Variants in MOB1B observed in about 807,000 individuals in gnomAD.
MOB1B encodes MOB1 Mps One Binder homolog B.
Under a neutral mutation model 24.4 loss-of-function variants are expected in MOB1B, and 19 were observed. The ratio of observed to expected loss-of-function variants is 0.78; its 90% CI spans 0.54 to 1.14. The LOEUF (loss-of-function observed/expected upper bound fraction) is 1.14. Among genes scored for constraint, MOB1B ranks in the 50% most tolerant of loss-of-function variants. The pLI, the probability that MOB1B is intolerant of heterozygous loss-of-function variation, is 0.00. For synonymous variants in MOB1B, 76 were observed against 82.1 expected (o/e 0.93, Z 0.40); for missense variants, 243 against 259.6 (o/e 0.94, Z 0.44).
At chr4:70,915,938 G>T (rs1415432146) in intron 1 of MOB1B, among the ~76,000 whole-genome samples, 1 of 152,150 alleles carries the variant, frequency 6.6e-6, no homozygotes, top group African/African-American at 2.4e-5. Flanking sequence ...GAGAGGAAAT[G>T]AATTGGATTA....
chr4:70,939,441 C>G (rs1213788686), intron 1 of MOB1B, among the ~76,000 whole-genome samples: 1 of 152,178 alleles, frequency 6.6e-6, no homozygotes, highest in Admixed American at 6.5e-5. Flanking sequence ...CACCCGTAAT[C>G]ACAGGCCAAG....
intron 1 of MOB1B, among the ~76,000 whole-genome samples, chr4:70,950,312 T>C (rs1737749410): frequency 6.6e-6 from 1 of 151,514 alleles, no homozygotes; most frequent in Non-Finnish European, 1.5e-5. Context: ...GGTGGGTGCC[T>C]GTAGTCCCAG....
At chr4:70,970,065 T>G (rs1738695975) in intron 3 of MOB1B, 41 bp downstream of exon 3, 1 of 1,201,668 alleles carries the variant, frequency 8.3e-7, no homozygotes, top group Non-Finnish European at 1.2e-6. Flanking sequence ...TTTTACATTA[T>G]TTTACGGTTC....
At chr4:70,952,072 C>T (rs1402298945) in intron 1 of MOB1B, among the ~76,000 whole-genome samples, 1 of 152,132 alleles carries the variant, frequency 6.6e-6, no homozygotes, top group East Asian at 1.9e-4. Context: ...AATGTAACTG[C>T]TCTTTAAAAC....
At chr4:70,960,214 G>A (rs187204752) in intron 2 of MOB1B, among the ~76,000 whole-genome samples, 28 of 152,118 alleles carry the variant, frequency 1.8e-4, no homozygotes, top group Admixed American at 1.4e-3. Context: ...AAGATATCAA[G>A]TAGTCATCTT....
intron 1 of MOB1B, among the ~76,000 whole-genome samples, chr4:70,911,985 C>T (rs1052619735): frequency 1.3e-5 from 2 of 151,598 alleles, no homozygotes; most frequent in African/African-American, 4.9e-5. Context: ...CAACCTCTGC[C>T]TCCTGGGTTC....
chr4:70,946,310 G>A (rs1737581494), intron 1 of MOB1B, among the ~76,000 whole-genome samples: 1 of 151,952 alleles, frequency 6.6e-6, no homozygotes, highest in South Asian at 2.1e-4. Context: ...ATAAGAATAA[G>A]ATTTTTCTTC....
chr4:70,930,878 C>A (rs762365150), intron 1 of MOB1B, among the ~76,000 whole-genome samples: 3 of 151,536 alleles, frequency 2.0e-5, no homozygotes, highest in African/African-American at 7.3e-5. Flanking sequence ...AGCATTGCAA[C>A]GTCTCAAATA....
At chr4:70,957,319 C>T (rs1156329264) in intron 1 of MOB1B, among the ~76,000 whole-genome samples, 5 of 147,442 alleles carry the variant, frequency 3.4e-5, no homozygotes, top group Non-Finnish European at 7.4e-5. Context: ...CTCTTTTTTT[C>T]CAGTCTGTTC....
intron 1 of MOB1B, among the ~76,000 whole-genome samples, chr4:70,910,704 T>G (rs1236446438): frequency 6.6e-6 from 1 of 152,036 alleles, no homozygotes; most frequent in East Asian, 1.9e-4. Context: ...AAAATCATGT[T>G]AGGAAAAGGA....
chr4:70,969,354 T>C (rs1468128343), intron 2 of MOB1B, among the ~76,000 whole-genome samples: 1 of 152,122 alleles, frequency 6.6e-6, no homozygotes, highest in Non-Finnish European at 1.5e-5. Context: ...TGGTCTTGAA[T>C]TCCTGGGCTC....
At chr4:70,965,441 G>A (rs1738481650) in intron 2 of MOB1B, among the ~76,000 whole-genome samples, 1 of 149,062 alleles carries the variant, frequency 6.7e-6, no homozygotes, top group Admixed American at 6.7e-5. Context: ...ATATTAGAAA[G>A]CACAAATAAC....
intron 2 of MOB1B, among the ~76,000 whole-genome samples, chr4:70,960,279 G>T (rs918810432): frequency 6.6e-6 from 1 of 152,038 alleles, no homozygotes; most frequent in African/African-American, 2.4e-5. Context: ...AGAGAATAAC[G>T]TATGAATAGT....
intron 3 of MOB1B, 131 bp downstream of exon 3, chr4:70,970,155 T>A: frequency 1.7e-6 from 1 of 579,672 alleles, no homozygotes; most frequent in Non-Finnish European, 3.0e-6. Context: ...ACTATTAATC[T>A]AGATTCCTTA....
chr4:70,917,202 T>C (rs988679329), intron 1 of MOB1B, among the ~76,000 whole-genome samples: 2 of 152,152 alleles, frequency 1.3e-5, no homozygotes, highest in Non-Finnish European at 2.9e-5. Context: ...TTTGACTGAT[T>C]ATGAGGCAAC....
intron 2 of MOB1B, among the ~76,000 whole-genome samples, chr4:70,962,737 G>A (rs1039341957): frequency 7.9e-5 from 12 of 152,062 alleles, no homozygotes; most frequent in African/African-American, 2.7e-4. Context: ...GGTGGCTCAC[G>A]TCTGTAATCC....
At chr4:70,951,371 TAAATC>T (rs1578381311) in intron 1 of MOB1B, among the ~76,000 whole-genome samples, 1 of 152,316 alleles carries the variant, frequency 6.6e-6, no homozygotes, top group East Asian at 1.9e-4. Flanking sequence ...TTGCAAAAGA[TAAATC>T]AAATTGGAAG....
At chr4:70,949,101 A>G (rs1298261031) in intron 1 of MOB1B, among the ~76,000 whole-genome samples, 2 of 152,218 alleles carry the variant, frequency 1.3e-5, no homozygotes, top group Non-Finnish European at 2.9e-5. Flanking sequence ...TACTGGGCAT[A>G]TCTATGCTAG....
At chr4:70,935,149 G>A (rs1737031385) in intron 1 of MOB1B, among the ~76,000 whole-genome samples, 1 of 152,052 alleles carries the variant, frequency 6.6e-6, no homozygotes, top group Non-Finnish European at 1.5e-5. Flanking sequence ...GATATAAGGA[G>A]TTTAAAATTG....
Sources: allele counts gnomAD v4.1 joint callset (sites outside exome capture counted in the v4.1 genomes callset), GRCh38; gene constraint gnomAD v4.1.1; transcripts MANE v1.5; gene names NCBI Gene and HGNC (gene_info 2026-07-23, HGNC 2026-07-21).